CNTNAP5: variants seen among roughly 807,000 people sequenced by gnomAD.
The protein encoded by CNTNAP5 is contactin-associated protein-like 5.
In CNTNAP5, 72 loss-of-function variants were observed where a neutral mutation model predicts 150.2. The ratio of observed to expected loss-of-function variants is 0.48; its 90% CI spans 0.40 to 0.58. The LOEUF (loss-of-function observed/expected upper bound fraction) is 0.58, where lower values mean the gene tolerates loss of function less well. Among genes scored for constraint, CNTNAP5 ranks in the 20% least tolerant of loss-of-function variants. CNTNAP5 has a pLI of 0.00. For missense variants in CNTNAP5, 1,636 were observed against 1,626.2 expected (o/e 1.01, Z -0.10); for synonymous variants, 672 against 619.8 (o/e 1.08, Z -1.25).
At chr2:124,472,133 C>G (rs1319771178) in intron 6 of CNTNAP5, among the ~76,000 whole-genome samples, 1 of 151,850 alleles carries the variant, frequency 6.6e-6, no homozygotes, top group East Asian at 1.9e-4. Flanking sequence ...AATATGAGCA[C>G]AAATGGAACA....
chr2:124,914,679 C>T lies in CNTNAP5; in HGVS notation c.*391C>T, dbSNP rs1678726618. On this transcript the variant is annotated 3_prime_UTR_variant, in exon 24 of 24. Transcript: ENST00000682447. ...CCTGAGCTCTTAGGCACATGACGGT[C>T]ATTCCTGACATCCTCCCCAGCTCAA... 1 of 158,272 alleles carries T rather than the reference C, an allele frequency of 6.3e-6. No individual in the cohort carries two copies. The highest frequency in any genetic ancestry group is 6.4e-5 in the Admixed American group (1 of 15,666). The allele number at this position is 158,272 out of a possible 1,614,324, so 9.8% of individuals were successfully genotyped here.
intron 12 of CNTNAP5, among the ~76,000 whole-genome samples, chr2:124,621,035 A>G (rs902091138): frequency 2.6e-5 from 4 of 152,104 alleles, no homozygotes; most frequent in Admixed American, 2.6e-4. Context: ...GACTCCTTCA[A>G]TATTGATAAA....
At chr2:124,751,931 G>C (rs1338752204) in intron 14 of CNTNAP5, among the ~76,000 whole-genome samples, 1 of 152,002 alleles carries the variant, frequency 6.6e-6, no homozygotes, top group Non-Finnish European at 1.5e-5. Flanking sequence ...CTTTTCCCCA[G>C]AAAAAAGAAA....
At chr2:124,197,409 G>A (rs957017819) in intron 1 of CNTNAP5, among the ~76,000 whole-genome samples, 12 of 152,232 alleles carry the variant, frequency 7.9e-5, no homozygotes, top group African/African-American at 2.9e-4. Context: ...TGATACTATT[G>A]CATATAGCTA....
chr2:124,089,637 C>T (rs1393977579), intron 1 of CNTNAP5, among the ~76,000 whole-genome samples: 1 of 152,214 alleles, frequency 6.6e-6, no homozygotes, highest in East Asian at 1.9e-4. Context: ...ATCAAAATTA[C>T]AGAATTTAAG....
chr2:124,375,727 G>A (rs187287260), intron 3 of CNTNAP5, among the ~76,000 whole-genome samples: 79 of 152,098 alleles, frequency 5.2e-4, no homozygotes, highest in African/African-American at 1.6e-3. Context: ...ACCGAGTGGC[G>A]TACAGATTCT....
At chr2:124,754,014 A>T (rs979060030) in intron 14 of CNTNAP5, among the ~76,000 whole-genome samples, 14 of 152,294 alleles carry the variant, frequency 9.2e-5, no homozygotes, top group African/African-American at 3.4e-4. Flanking sequence ...CCTTCCCATG[A>T]GATGCAGAAT....
At chr2:124,774,240 A>G (rs1056569525) in intron 17 of CNTNAP5, among the ~76,000 whole-genome samples, 11 of 151,914 alleles carry the variant, frequency 7.2e-5, no homozygotes, top group Non-Finnish European at 1.2e-4. Flanking sequence ...CTCCCACACT[A>G]CATAGCTTTA....
At chr2:124,051,323 C>T (rs1351265631) in intron 1 of CNTNAP5, among the ~76,000 whole-genome samples, 1 of 152,186 alleles carries the variant, frequency 6.6e-6, no homozygotes, top group Non-Finnish European at 1.5e-5. Context: ...CTCTAATTGA[C>T]AGCATGGCCT....
At chr2:124,633,512 C>T (rs13011609) in intron 12 of CNTNAP5, among the ~76,000 whole-genome samples, 10 of 152,030 alleles carry the variant, frequency 6.6e-5, no homozygotes, top group Admixed American at 2.0e-4. Flanking sequence ...TCTGCCCCTC[C>T]GGCTTTGCAA....
intron 13 of CNTNAP5, among the ~76,000 whole-genome samples, chr2:124,731,519 A>T (rs557481055): frequency 6.6e-6 from 1 of 152,120 alleles, no homozygotes; most frequent in Non-Finnish European, 1.5e-5. Context: ...GATCAGAGGG[A>T]ACAAGAAAGG....
chr2:124,783,925 C>T (rs1681506525), intron 17 of CNTNAP5, among the ~76,000 whole-genome samples: 1 of 152,146 alleles, frequency 6.6e-6, no homozygotes, highest in Non-Finnish European at 1.5e-5. Flanking sequence ...TTAAAGTCTA[C>T]AGTAGGATTT....
intron 22 of CNTNAP5, among the ~76,000 whole-genome samples, chr2:124,905,307 A>G (rs557682885): frequency 6.6e-5 from 10 of 152,212 alleles, no homozygotes; most frequent in African/African-American, 2.4e-4. Context: ...GGAAGTACAG[A>G]AAATGGAACC....
intron 3 of CNTNAP5, among the ~76,000 whole-genome samples, chr2:124,366,954 A>T (rs993728639): frequency 3.3e-5 from 5 of 152,202 alleles, no homozygotes; most frequent in Non-Finnish European, 5.9e-5. Context: ...GACACCCCTC[A>T]GCTGAGCCTC....
At chr2:124,342,098 T>C (rs1689633511) in intron 3 of CNTNAP5, among the ~76,000 whole-genome samples, 2 of 152,148 alleles carry the variant, frequency 1.3e-5, no homozygotes, top group Admixed American at 6.6e-5. Context: ...TATATTATAG[T>C]TTTCTTCTGA....
In CNTNAP5 at chr2:124,123,212, CA is replaced by C. The variant is rs1174323128; in HGVS notation, c.82+97481del. Among the ~76,000 whole-genome samples, 6 of 152,266 alleles carry C rather than the reference CA, an allele frequency of 3.9e-5. No individual in the cohort carries two copies. In the East Asian group the frequency reaches 9.7e-4, roughly 25 times the overall value. On this transcript the variant is annotated intron_variant, in intron 1 of 23. Transcript: ENST00000682447. ...AGGACACTCCCACCCTAATACTGCA[CA>C]TTTCCAAAGGTCTTAGCAAATGGCA...
chr2:124,312,543 G>T (rs72964635), intron 3 of CNTNAP5, among the ~76,000 whole-genome samples: 2,697 of 151,088 alleles, frequency 0.018, 72 homozygotes, highest in African/African-American at 0.061. Flanking sequence ...TTTTGTGGGG[G>T]TTTTTTTGTT....
chr2:124,776,672 T>C (rs1573610032), intron 17 of CNTNAP5, among the ~76,000 whole-genome samples: 1 of 152,308 alleles, frequency 6.6e-6, no homozygotes, highest in African/African-American at 2.4e-5. Flanking sequence ...AGCACGCCTG[T>C]AGTGCTTTCC....
At chr2:124,236,316 G>A (rs1478332329) in intron 2 of CNTNAP5, among the ~76,000 whole-genome samples, 1 of 152,148 alleles carries the variant, frequency 6.6e-6, no homozygotes, top group African/African-American at 2.4e-5. Flanking sequence ...AACTGGAAGT[G>A]CAGGAGGCGT....
Sources: gnomAD v4.1 joint callset for allele counts (sites outside exome capture counted in the v4.1 genomes callset) on GRCh38, gnomAD v4.1.1 for gene constraint, MANE v1.5 for transcripts, NCBI Gene and HGNC (gene_info 2026-07-23, HGNC 2026-07-21) for gene names.